Variants in FBXL18 observed in about 807,000 individuals in gnomAD.
FBXL18 encodes the protein F-box and leucine rich repeat protein 18.
FBXL18 carries 36 observed loss-of-function variants against 46.0 expected under a neutral mutation model. That is an observed-to-expected ratio of 0.78 (90% CI 0.60 to 1.03). The LOEUF (loss-of-function observed/expected upper bound fraction) is 1.03, where lower values mean the gene tolerates loss of function less well. Ranked by LOEUF, FBXL18 falls within the 50% of genes least tolerant of loss-of-function variation. The pLI, the probability that FBXL18 is intolerant of heterozygous loss-of-function variation, is 0.00. For synonymous variants in FBXL18, 557 were observed against 465.3 expected (o/e 1.20, Z -2.54); for missense variants, 977 against 1,004.1 (o/e 0.97, Z 0.36).
intron 1 of FBXL18, among the ~76,000 whole-genome samples, chr7:5,506,335 G>A (rs988434602): frequency 1.0e-4 from 15 of 148,034 alleles, no homozygotes; most frequent in African/African-American, 3.8e-4. Context: ...TGCAACCTCC[G>A]CCTCCCGGGT....
intron 4 of FBXL18, among the ~76,000 whole-genome samples, chr7:5,468,461 G>A (rs963755956): frequency 5.3e-5 from 8 of 152,182 alleles, no homozygotes; most frequent in South Asian, 2.1e-4. Flanking sequence ...CTGGAAAGAC[G>A]TTAACTGAAA....
rs939138587 is a variant in FBXL18 at position 5,496,100 on chromosome 7, C to T, written c.1781+4388G>A. ...GAGGCCATCGGGGACCATGAAATCA[C>T]GCTGACCTCGGGAGGCCGGAGACAA... On this transcript the variant is annotated intron_variant, in intron 3 of 4. Transcript: ENST00000382368. The surrounding 1 kb of genome is among the most constrained non-coding windows in gnomAD (Gnocchi z 4.8). Among the ~76,000 whole-genome samples the T allele has an allele frequency of 6.6e-5, 10 of 152,186 alleles. No individual in the cohort carries two copies. Among genetic ancestry groups the T allele is most frequent in the South Asian group, 2.1e-4 (1 of 4,828 alleles).
chr7:5,497,105 G>C (rs538119934), intron 3 of FBXL18, among the ~76,000 whole-genome samples: 130 of 151,926 alleles, frequency 8.6e-4, no homozygotes, highest in African/African-American at 2.9e-3. Context: ...GGAGGCTGAG[G>C]TGGGAGGATC....
downstream of FBXL18, among the ~76,000 whole-genome samples, chr7:5,471,136 C>T (rs1050173917): frequency 1.3e-5 from 2 of 152,186 alleles, no homozygotes; most frequent in South Asian, 2.1e-4. Flanking sequence ...GCTAGGATTC[C>T]GTCACGCCAT....
At position 5,477,628 on chromosome 7, in the gene FBXL18, T is replaced by C. The variant is rs1418370574; in HGVS notation, c.*4147A>G. 6.6e-6 allele frequency among the ~76,000 whole-genome samples: 1 copy of C among 150,828 alleles called. No homozygotes were observed. The highest frequency in any genetic ancestry group is 1.5e-5 in the Non-Finnish European group (1 of 67,806). On this transcript the variant is annotated 3_prime_UTR_variant, in exon 5 of 5. Coordinates refer to ENST00000382368, the MANE Select transcript of FBXL18 (RefSeq NM_024963.6). This position sits in a 1 kb window ranked among gnomAD's most constrained non-coding sequence, Gnocchi z 4.4. Reference sequence around the variant, plus strand: ...GATGTGGGAGAATCGCTTGAACCTGTGAGGTGGAGGTTGTAGTGAGTGAGC... The same window carrying C: ...GATGTGGGAGAATCGCTTGAACCTGCGAGGTGGAGGTTGTAGTGAGTGAGC...
At chr7:5,486,904 C>T (rs1302695004) in intron 4 of FBXL18, among the ~76,000 whole-genome samples, 1 of 152,218 alleles carries the variant, frequency 6.6e-6, no homozygotes, top group Non-Finnish European at 1.5e-5. Context: ...GGGGCCAGGT[C>T]CTCCCTCTGG....
downstream of FBXL18, among the ~76,000 whole-genome samples, chr7:5,473,589 C>T (rs1783461943): frequency 6.6e-6 from 1 of 151,730 alleles, no homozygotes; most frequent in Non-Finnish European, 1.5e-5. Flanking sequence ...TGGTGAAACC[C>T]CGTCTCTACT....
Position 5,500,869 on chromosome 7 carries a change from G to A in FBXL18, c.1400C>T (p.Ala467Val). ...QSCPSPFSGQ[A>V]CPQPSSVFWS... ...GAACACGGAGGAGGGCTGGGGGCAC[G>A]CCTGGCCCGAGAAGGGGCTGGGACA... Residue 467 changes from alanine (A) to valine (V), a missense_variant, in exon 3 of 5, where the codon GCG becomes GTG. Coordinates refer to ENST00000382368, the MANE Select transcript of FBXL18 (RefSeq NM_024963.6). 2 of 1,600,660 alleles carry A rather than the reference G, an allele frequency of 1.2e-6. No individual in the cohort carries two copies. The highest frequency in any genetic ancestry group is 1.7e-6 in the Non-Finnish European group (2 of 1,172,108).
chr7:5,491,032 T>C (rs145231224), intron 4 of FBXL18, among the ~76,000 whole-genome samples, 199 bp downstream of exon 4: 7 of 152,310 alleles, frequency 4.6e-5, no homozygotes, highest in African/African-American at 1.2e-4. Flanking sequence ...CTAGAAAATT[T>C]ACCATGTGGC....
In FBXL18 at chr7:5,480,122, G is replaced by A. The variant is rs1783602906; in HGVS notation, c.*1653C>T. Among the ~76,000 whole-genome samples, 1 of 152,214 alleles carries A rather than the reference G, an allele frequency of 6.6e-6. No individual in the cohort carries two copies. On this transcript the variant is annotated 3_prime_UTR_variant, in exon 5 of 5. Transcript: ENST00000382368. The stretch of plus-strand genomic sequence containing the variant: ...CACTCAGGGGCAGGGCCGGTGATTG[G>A]AGGCCTGGGGATGGTGTACCCCATT...
intron 4 of FBXL18, among the ~76,000 whole-genome samples, chr7:5,463,734 T>TA (rs1562672319): frequency 0.012 from 708 of 57,982 alleles, 5 homozygotes; most frequent in African/African-American, 0.016. Context: ...ATTTATTTTT[T>TA]TTTTTTTTTT....
chr7:5,498,888 T>G (rs1304712461), intron 3 of FBXL18, among the ~76,000 whole-genome samples: 1 of 152,224 alleles, frequency 6.6e-6, no homozygotes, highest in Non-Finnish European at 1.5e-5. Context: ...TTGGGTAATT[T>G]TTCAAGATCA....
chr7:5,501,709 A>ACGC lies in FBXL18; in HGVS notation c.557_559dup (p.Gly186dup). 6.3e-7 allele frequency: 1 copy of ACGC among 1,590,878 alleles called. No homozygotes were observed. On this transcript the variant is annotated inframe_insertion, in exon 3 of 5. Coordinates refer to ENST00000382368, the MANE Select transcript of FBXL18 (RefSeq NM_024963.6). The stretch of plus-strand genomic sequence containing the variant: ...CTCTAGGCTGGTGCAGCAGGGCACC[A>ACGC]CGCCGTAGGAGGGAGTGAACAGCGT...
intron 4 of FBXL18, among the ~76,000 whole-genome samples, chr7:5,483,124 T>C (rs1783689730): frequency 1.3e-5 from 2 of 150,898 alleles, no homozygotes; most frequent in Admixed American, 6.6e-5. Flanking sequence ...AGGAAAAACA[T>C]AGCAGTGCCC....
In FBXL18 at chr7:5,501,150, G is replaced by A. The variant is rs1196143908; in HGVS notation, c.1119C>T (p.Ser373=). 1.2e-6 allele frequency: 2 copies of A among 1,613,026 alleles called. No homozygotes were observed. Among genetic ancestry groups the A allele is most frequent in the Non-Finnish European group, 1.7e-6 (2 of 1,179,864 alleles). The change falls in exon 3 of 5, where the codon AGC becomes AGT. Residue 373 remains serine (S), a synonymous_variant. Transcript: ENST00000382368. ...LRKAEDDIDS[S]ILETLVASCC... is the part of the protein sequence containing the mutation. ...AGGACGCCACCAGAGTCTCCAGGAT[G>A]CTGCTGTCGATGTCGTCCTCCGCCT...
At chr7:5,494,372 C>T (rs1584223016) in intron 3 of FBXL18, among the ~76,000 whole-genome samples, 1 of 152,052 alleles carries the variant, frequency 6.6e-6, no homozygotes, top group African/African-American at 2.4e-5. Context: ...GCAGAGGATG[C>T]AGTGAGCTGA....
intron 4 of FBXL18, among the ~76,000 whole-genome samples, chr7:5,487,938 G>A (rs912274779): frequency 6.6e-6 from 1 of 152,246 alleles, no homozygotes; most frequent in South Asian, 2.1e-4. Flanking sequence ...AAGTCCTGAG[G>A]CTGCTCTCCA....
chr7:5,501,710 C>T lies in FBXL18; in HGVS notation c.559G>A (p.Val187Met). 6.3e-7 allele frequency: 1 copy of T among 1,590,592 alleles called. No homozygotes were observed. Among genetic ancestry groups the T allele is most frequent in the South Asian group, 1.1e-5 (1 of 88,318 alleles). Residue 187 changes from valine (V) to methionine (M), a missense_variant, in exon 3 of 5, where the codon GTG (valine) becomes ATG (methionine). Physicochemically the swap from Val to Met is conservative, Grantham distance 21. Coordinates refer to ENST00000382368, the MANE Select transcript of FBXL18 (RefSeq NM_024963.6). ...KQTLFTPSYG[V>M]VPCCTSLEKL... ...TCTAGGCTGGTGCAGCAGGGCACCACGCCGTAGGAGGGAGTGAACAGCGTC... is the reference window on the plus strand; with the variant it reads ...TCTAGGCTGGTGCAGCAGGGCACCATGCCGTAGGAGGGAGTGAACAGCGTC...
At chr7:5,470,306 C>T (rs372838002) in intron 4 of FBXL18, among the ~76,000 whole-genome samples, 15 of 152,130 alleles carry the variant, frequency 9.9e-5, no homozygotes, top group African/African-American at 2.9e-4. Flanking sequence ...TCAGGGGCCC[C>T]GTGACCAAGG....
Sources: allele counts gnomAD v4.1 joint callset (sites outside exome capture counted in the v4.1 genomes callset), GRCh38; gene constraint gnomAD v4.1.1; non-coding constraint Gnocchi (gnomAD v3.1); transcripts MANE v1.5; gene names NCBI Gene and HGNC (gene_info 2026-07-23, HGNC 2026-07-21).